Variants in ST6GALNAC5 observed in about 807,000 individuals in gnomAD.
The protein encoded by ST6GALNAC5 is alpha-N-acetylgalactosaminide alpha-2,6-sialyltransferase 5.
ST6GALNAC5 carries 27 observed loss-of-function variants against 33.6 expected under a neutral mutation model. The ratio of observed to expected loss-of-function variants is 0.80; its 90% confidence interval spans 0.59 to 1.11. ST6GALNAC5 has a LOEUF of 1.11. ST6GALNAC5 is among the 50% of genes least tolerant of loss of function. ST6GALNAC5 has a pLI of 0.00. For missense variants in ST6GALNAC5, 428 were observed against 454.0 expected, an observed-to-expected ratio of 0.94 and a Z score of 0.52; for synonymous variants, 194 against 171.2, an observed-to-expected ratio of 1.13 and a Z score of -1.04.
At chr1:76,921,350 A>G (rs898171057) in intron 2 of ST6GALNAC5, among the ~76,000 whole-genome samples, 1 of 152,286 alleles carries the variant, frequency 6.6e-6, no homozygotes, top group East Asian at 1.9e-4. Flanking sequence ...ACTGATCTTC[A>G]GTACAAAGAA....
chr1:76,876,735 G>T (rs1253965161), intron 2 of ST6GALNAC5, among the ~76,000 whole-genome samples: 1 of 152,178 alleles, frequency 6.6e-6, no homozygotes, highest in East Asian at 1.9e-4. Flanking sequence ...CTTCACTGCT[G>T]TCCTTCAGGG....
chr1:76,967,984 G>C (rs1331275584), intron 2 of ST6GALNAC5, among the ~76,000 whole-genome samples: 3 of 152,284 alleles, frequency 2.0e-5, no homozygotes, highest in Non-Finnish European at 4.4e-5. Context: ...CATTTGCTGA[G>C]GAGTGCTTTA....
intron 2 of ST6GALNAC5, among the ~76,000 whole-genome samples, chr1:76,874,714 C>T (rs371006120): frequency 5.9e-5 from 9 of 152,116 alleles, no homozygotes; most frequent in East Asian, 3.9e-4. Flanking sequence ...CCTTCCCCAG[C>T]GCACTGACTC....
intron 2 of ST6GALNAC5, among the ~76,000 whole-genome samples, chr1:77,041,085 G>A (rs769311379): frequency 9.9e-5 from 15 of 152,176 alleles, no homozygotes; most frequent in African/African-American, 9.7e-5. Context: ...TATTTTGGCC[G>A]AAGTCATCAA....
rs1652746120 is a variant in ST6GALNAC5, at chr1:77,065,550, C to T, written c.*2344C>T. On this transcript the variant is annotated 3_prime_UTR_variant, in exon 5 of 5. Transcript: ENST00000477717. ...AATAAGTGTAAAAAATTACCACTTG[C>T]AAAGTGGTTTTATTACAGCGTTAAA... The T allele has an allele frequency of 6.6e-6, 1 of 152,078 alleles. No individual in the cohort carries two copies. The highest frequency in any genetic ancestry group is 2.4e-5 in the African/African-American group (1 of 41,402). The allele number at this position is 152,078 out of a possible 1,614,324, so 9.4% of individuals were successfully genotyped here.
At chr1:77,016,695 C>G (rs1455776084) in intron 2 of ST6GALNAC5, among the ~76,000 whole-genome samples, 2 of 152,160 alleles carry the variant, frequency 1.3e-5, no homozygotes, top group African/African-American at 4.8e-5. Context: ...AAAAAACTCA[C>G]TGGGATGCAC....
At position 77,066,160 on chromosome 1, in the gene ST6GALNAC5, T is replaced by A. The variant is rs1161799963; in HGVS notation, c.*2954T>A. Among the ~76,000 whole-genome samples, 1 of 152,166 alleles carries A rather than the reference T, an allele frequency of 6.6e-6. No individual in the cohort carries two copies. Among genetic ancestry groups the A allele is most frequent in the Non-Finnish European group, 1.5e-5 (1 of 68,038 alleles). ...CATTTGGCAACTAAGTCCCTGTGCTTTGCTAACCCTGGTGTGTACTCCTAA... is the reference window on the plus strand; with the variant it reads ...CATTTGGCAACTAAGTCCCTGTGCTATGCTAACCCTGGTGTGTACTCCTAA... On this transcript the variant is annotated 3_prime_UTR_variant, in exon 5 of 5. Coordinates refer to ENST00000477717, the MANE Select transcript of ST6GALNAC5 (RefSeq NM_030965.3).
At chr1:76,985,394 T>A (rs1649450618) in intron 2 of ST6GALNAC5, among the ~76,000 whole-genome samples, 1 of 151,996 alleles carries the variant, frequency 6.6e-6, no homozygotes, top group East Asian at 1.9e-4. Context: ...AAATCATGAG[T>A]GAACTCCCAT....
intron 2 of ST6GALNAC5, among the ~76,000 whole-genome samples, chr1:77,039,686 G>A (rs1428947406): frequency 2.0e-5 from 3 of 152,178 alleles, no homozygotes; most frequent in South Asian, 2.1e-4. Flanking sequence ...TACTAATCTA[G>A]GAGTGAACTA....
chr1:76,918,375 T>C (rs1379930894), intron 2 of ST6GALNAC5, among the ~76,000 whole-genome samples: 1 of 152,018 alleles, frequency 6.6e-6, no homozygotes, highest in Non-Finnish European at 1.5e-5. Context: ...ATCCCAACAC[T>C]TTGGGAGGCC....
At chr1:76,918,818 T>A (rs1647002796) in intron 2 of ST6GALNAC5, among the ~76,000 whole-genome samples, 1 of 151,972 alleles carries the variant, frequency 6.6e-6, no homozygotes, top group Non-Finnish European at 1.5e-5. Flanking sequence ...CGCATAGAGT[T>A]TCAATGGGGT....
chr1:77,062,267 A>G (rs1412195101), intron 4 of ST6GALNAC5, among the ~76,000 whole-genome samples: 2 of 152,212 alleles, frequency 1.3e-5, no homozygotes, highest in African/African-American at 4.8e-5. Context: ...CCAGACAGCA[A>G]TTGATGCTAT....
intron 2 of ST6GALNAC5, among the ~76,000 whole-genome samples, chr1:76,889,540 T>G (rs1170836642): frequency 6.6e-6 from 1 of 152,182 alleles, no homozygotes; most frequent in Non-Finnish European, 1.5e-5. Context: ...TAAGAAAACC[T>G]AATTCCTGTG....
intron 2 of ST6GALNAC5, among the ~76,000 whole-genome samples, chr1:76,998,626 G>T (rs921678818): frequency 1.3e-5 from 2 of 151,994 alleles, no homozygotes; most frequent in African/African-American, 4.8e-5. Context: ...CTCACATATT[G>T]GTATTTTCTC....
At chr1:76,873,121 C>T (rs1653547747) in intron 2 of ST6GALNAC5, among the ~76,000 whole-genome samples, 2 of 152,172 alleles carry the variant, frequency 1.3e-5, no homozygotes, top group Admixed American at 6.5e-5. Flanking sequence ...TCCTGCTGAT[C>T]TGTGAACATT....
intron 2 of ST6GALNAC5, among the ~76,000 whole-genome samples, chr1:76,901,082 G>A (rs1398579701): frequency 3.9e-5 from 6 of 152,158 alleles, no homozygotes; most frequent in African/African-American, 1.2e-4. Flanking sequence ...TTGAGAAGAT[G>A]GAATAGTTGC....
chr1:77,064,814 C>T lies in ST6GALNAC5; in HGVS notation c.*1608C>T, dbSNP rs1652720984. 1 of 152,184 alleles carries T rather than the reference C, an allele frequency of 6.6e-6. No individual in the cohort carries two copies. The highest frequency in any genetic ancestry group is 2.4e-5 in the African/African-American group (1 of 41,448). 9.4% of individuals were successfully genotyped at this position (152,184 alleles called of 1,614,324 possible). ...ATGAAGACTGACATTGTTTTACAGA[C>T]ATGACCTGGCTTATGATAAAAGAAG... On this transcript the variant is annotated 3_prime_UTR_variant, in exon 5 of 5. Transcript: ENST00000477717.
chr1:77,038,952 A>G (rs1418454971), intron 2 of ST6GALNAC5, among the ~76,000 whole-genome samples: 1 of 152,216 alleles, frequency 6.6e-6, no homozygotes, highest in African/African-American at 2.4e-5. Context: ...TAAAATATTC[A>G]TGAGTCCTCC....
At position 77,066,724 on chromosome 1, in the gene ST6GALNAC5, A is replaced by G. The variant is rs1020260469; in HGVS notation, c.*3518A>G. On this transcript the variant is annotated 3_prime_UTR_variant, in exon 5 of 5. Coordinates refer to ENST00000477717, the MANE Select transcript of ST6GALNAC5 (RefSeq NM_030965.3). ...TCTGCAGTGTTGGGAGGTGATGTTA[A>G]CACTCTACATGTTTTGTATCTGACC... Among the ~76,000 whole-genome samples, 5 of 152,178 alleles carry G rather than the reference A, an allele frequency of 3.3e-5. No individual in the cohort carries two copies. Among genetic ancestry groups the G allele is most frequent in the African/African-American group, 9.6e-5 (4 of 41,458 alleles).
Sources: allele counts gnomAD v4.1 joint callset (sites outside exome capture counted in the v4.1 genomes callset), GRCh38; gene constraint gnomAD v4.1.1; transcripts MANE v1.5; gene names NCBI Gene and HGNC (gene_info 2026-07-23, HGNC 2026-07-21).